ABCA1: variants seen among roughly 807,000 people sequenced by gnomAD.
The protein encoded by ABCA1 is ATP binding cassette subfamily A member 1, also known as phospholipid-transporting ATPase ABCA1.
In ABCA1, 133 loss-of-function variants were observed where a neutral mutation model predicts 262.5. The ratio of observed to expected loss-of-function variants is 0.51; its 90% confidence interval spans 0.44 to 0.59. ABCA1 has a LOEUF of 0.59. Ranked by LOEUF, ABCA1 falls within the 20% of genes least tolerant of loss-of-function variation. The probability of loss-of-function intolerance (pLI) is 0.00; values close to 1 mark genes in which losing one functional copy is unlikely to be tolerated. For missense variants in ABCA1, 2,452 were observed against 2,777.5 expected (o/e 0.88, Z 2.63); for synonymous variants, 1,022 against 1,043.5 (o/e 0.98, Z 0.40).
chr9:104,830,874 C>T (rs1411269123), intron 14 of ABCA1, 51 bp downstream of exon 14: 1 of 1,596,454 alleles, frequency 6.3e-7, no homozygotes, highest in African/African-American at 1.3e-5. Flanking sequence ...TATACACCCC[C>T]ATCTGGCACA....
chr9:104,806,703 C>T (rs978278606), intron 30 of ABCA1, among the ~76,000 whole-genome samples: 5 of 152,140 alleles, frequency 3.3e-5, no homozygotes, highest in African/African-American at 1.2e-4. Context: ...TCAGTTCAAT[C>T]CAATCAACCA....
chr9:104,789,488 T>C (rs1313165397), intron 44 of ABCA1, among the ~76,000 whole-genome samples: 2 of 152,234 alleles, frequency 1.3e-5, no homozygotes, highest in African/African-American at 4.8e-5. Flanking sequence ...ATTTCCTTGC[T>C]CTTTTCAATT....
intron 1 of ABCA1, among the ~76,000 whole-genome samples, chr9:104,907,246 T>C (rs1434411377): frequency 1.3e-5 from 2 of 152,226 alleles, no homozygotes; most frequent in Non-Finnish European, 2.9e-5. Flanking sequence ...CAAGCACTGC[T>C]AGCCTGGCTA....
intron 19 of ABCA1, among the ~76,000 whole-genome samples, chr9:104,821,947 A>C (rs562764170): frequency 6.6e-6 from 1 of 152,330 alleles, no homozygotes; most frequent in East Asian, 1.9e-4. Flanking sequence ...GATTAAAAAG[A>C]AAACAGGAAA....
At chr9:104,833,703 A>T (rs977282347) in intron 11 of ABCA1, among the ~76,000 whole-genome samples, 5 of 152,186 alleles carry the variant, frequency 3.3e-5, no homozygotes, top group Non-Finnish European at 7.3e-5. Flanking sequence ...CTTACTGCTT[A>T]GTTTAGAAAA....
Position 104,786,365 on chromosome 9 carries a change from T to C in ABCA1, c.6334A>G (p.Thr2112Ala), listed in dbSNP as rs2118837162. The change falls in exon 48 of 50, where the codon ACT becomes GCT. Residue 2112 changes from threonine (T) to alanine (A), a missense_variant. By Grantham distance (58) the Thr-to-Ala change is moderately conservative. Coordinates refer to ENST00000374736, the MANE Select transcript of ABCA1 (RefSeq NM_005502.4). ...CCATTGACCATGATTGCCATCCTAG[T>C]GCAAAGAGCTTCACATTCTTCCATA... is the stretch of plus-strand genomic sequence containing the variant. ...HSMEECEALC[T>A]RMAIMVNGRF... The C allele has an allele frequency of 9.3e-6, 15 of 1,614,142 alleles. No individual in the cohort carries two copies. The highest frequency in any genetic ancestry group is 1.3e-5 in the Non-Finnish European group (15 of 1,179,998).
intron 49 of ABCA1, 75 bp from the exon 50 acceptor site, chr9:104,784,530 A>G: frequency 6.3e-7 from 1 of 1,585,248 alleles, no homozygotes; most frequent in East Asian, 2.2e-5. Flanking sequence ...CTATTTTTCC[A>G]GATGTTGAAA....
chr9:104,866,543 C>T (rs770831021), intron 5 of ABCA1, among the ~76,000 whole-genome samples: 6 of 151,830 alleles, frequency 4.0e-5, no homozygotes, highest in African/African-American at 1.2e-4. Context: ...TGAAGTGGCC[C>T]GCTCTTGGCT....
At chr9:104,869,132 G>A (rs1340985598) in intron 5 of ABCA1, among the ~76,000 whole-genome samples, 1 of 152,146 alleles carries the variant, frequency 6.6e-6, no homozygotes, top group Admixed American at 6.5e-5. Flanking sequence ...CTCTCGGTCA[G>A]TGCCCTCCAG....
At chr9:104,900,717 A>C (rs986717738) in intron 2 of ABCA1, among the ~76,000 whole-genome samples, 2 of 152,162 alleles carry the variant, frequency 1.3e-5, no homozygotes, top group African/African-American at 4.8e-5. Context: ...TGACTGACCA[A>C]CTCTGGGCAC....
chr9:104,807,853 C>CTGT (rs1588256792), intron 30 of ABCA1, among the ~76,000 whole-genome samples: 1 of 20,320 alleles, frequency 4.9e-5, no homozygotes, highest in East Asian at 9.9e-4. Context: ...TATACACACA[C>CTGT]ACACACACAC....
intron 10 of ABCA1, 147 bp downstream of exon 10, chr9:104,837,281 G>A (rs1833905684): frequency 9.1e-6 from 11 of 1,209,008 alleles, no homozygotes; most frequent in Middle Eastern, 2.8e-4. Context: ...CCCAGCTCTG[G>A]TCTGCATCAG....
intron 7 of ABCA1, among the ~76,000 whole-genome samples, chr9:104,850,727 C>T (rs899851441): frequency 6.6e-6 from 1 of 152,186 alleles, no homozygotes; most frequent in African/African-American, 2.4e-5. Flanking sequence ...CGAAGGCAGA[C>T]AAAACTTGCC....
intron 3 of ABCA1, among the ~76,000 whole-genome samples, chr9:104,887,294 A>G (rs1028968720): frequency 5.9e-5 from 9 of 152,180 alleles, no homozygotes; most frequent in Non-Finnish European, 1.2e-4. Flanking sequence ...CAAACAAAGA[A>G]GTGCATAGAT....
intron 5 of ABCA1, among the ~76,000 whole-genome samples, chr9:104,879,263 T>C (rs947896151): frequency 1.7e-4 from 26 of 152,196 alleles, no homozygotes; most frequent in African/African-American, 6.0e-4. Flanking sequence ...CTTAGAAGAA[T>C]ACTGGCTCTC....
At chr9:104,913,971 T>C (rs2118497181) in intron 1 of ABCA1, among the ~76,000 whole-genome samples, 1 of 151,950 alleles carries the variant, frequency 6.6e-6, no homozygotes, top group South Asian at 2.1e-4. Context: ...GGCTAATTTT[T>C]TGTATTTTTA....
intron 7 of ABCA1, among the ~76,000 whole-genome samples, chr9:104,849,984 G>T (rs144006107): frequency 6.6e-5 from 10 of 152,216 alleles, no homozygotes; most frequent in African/African-American, 2.4e-4. Flanking sequence ...ACATCCAACT[G>T]CAAGACAAGA....
At position 104,786,993 on chromosome 9, in the gene ABCA1, A is replaced by G. The variant is rs2118839315; in HGVS notation, c.6205-17T>C. On this transcript the variant is annotated splice_polypyrimidine_tract_variant and intron_variant, in intron 46 of 49. Transcript: ENST00000374736. ...GGGTTCATCCTGTAATTAGAATAAA[A>G]TAAGTCTTATTTGCTGGGGGGAAAA... 1.9e-6 allele frequency: 3 copies of G among 1,602,092 alleles called. No individual in the cohort carries two copies. The highest frequency in any genetic ancestry group is 2.6e-6 in the Non-Finnish European group (3 of 1,172,060).
intron 7 of ABCA1, among the ~76,000 whole-genome samples, chr9:104,852,504 G>GA (rs1244515042): frequency 2.0e-5 from 3 of 151,994 alleles, no homozygotes; most frequent in Non-Finnish European, 2.9e-5. Context: ...TAATTCAGAG[G>GA]AAAAAATTAA....
Sources: gnomAD v4.1 joint callset for allele counts (sites outside exome capture counted in the v4.1 genomes callset) on GRCh38, gnomAD v4.1.1 for gene constraint, MANE v1.5 for transcripts, NCBI Gene and HGNC (gene_info 2026-07-23, HGNC 2026-07-21) for gene names.